PAPPA2: variants seen among roughly 807,000 people sequenced by gnomAD.
PAPPA2 encodes pappalysin-2.
In PAPPA2, 86 loss-of-function variants were observed where a neutral mutation model predicts 176.4. The observed-to-expected ratio is 0.49, with a 90% CI of 0.41 to 0.58. The LOEUF (loss-of-function observed/expected upper bound fraction) is 0.58, where lower values mean the gene tolerates loss of function less well. Ranked by LOEUF, PAPPA2 falls within the 20% of genes least tolerant of loss-of-function variation. The pLI is 0.00. For missense variants in PAPPA2, 2,073 were observed against 2,256.9 expected (o/e 0.92, Z 1.65); for synonymous variants, 809 against 852.2 (o/e 0.95, Z 0.88).
chr1:176,617,932 A>T (rs956076706), intron 3 of PAPPA2, among the ~76,000 whole-genome samples: 2 of 152,122 alleles, frequency 1.3e-5, no homozygotes, highest in African/African-American at 4.8e-5. Flanking sequence ...AGGACATCTT[A>T]TTGGTTGAAA....
chr1:176,695,631 A>G, intron 6 of PAPPA2, 107 bp from the exon 7 acceptor site: 1 of 1,302,042 alleles, frequency 7.7e-7, no homozygotes, highest in South Asian at 1.4e-5. Context: ...GGTCCTTACT[A>G]ACCATCAACC....
At chr1:176,732,072 C>G (rs1223406839) in intron 12 of PAPPA2, among the ~76,000 whole-genome samples, 1 of 152,082 alleles carries the variant, frequency 6.6e-6, no homozygotes, top group Non-Finnish European at 1.5e-5. Context: ...ACTTCAACCA[C>G]CCAGGAAACT....
chr1:176,562,897 C>T (rs968883253), intron 2 of PAPPA2, among the ~76,000 whole-genome samples: 9 of 152,138 alleles, frequency 5.9e-5, no homozygotes, highest in African/African-American at 2.2e-4. Context: ...GACCCTTTTT[C>T]TCGAAGCCTG....
At chr1:176,618,904 T>C (rs560937786) in intron 3 of PAPPA2, among the ~76,000 whole-genome samples, 1 of 152,192 alleles carries the variant, frequency 6.6e-6, no homozygotes, top group Non-Finnish European at 1.5e-5. Flanking sequence ...TTATACTAGA[T>C]AAATCATTTG....
intron 2 of PAPPA2, among the ~76,000 whole-genome samples, chr1:176,568,816 A>G (rs1311158047): frequency 1.3e-5 from 2 of 152,182 alleles, no homozygotes; most frequent in African/African-American, 4.8e-5. Context: ...GGTCACAATA[A>G]TTCTGACTGT....
At chr1:176,584,438 T>TTGTA (rs1653178728) in intron 2 of PAPPA2, among the ~76,000 whole-genome samples, 1 of 152,160 alleles carries the variant, frequency 6.6e-6, no homozygotes, top group Admixed American at 6.5e-5. Flanking sequence ...ATCTGTTTTA[T>TTGTA]TGTATGTAAG....
chr1:176,703,834 T>G (rs1660764069), intron 9 of PAPPA2, among the ~76,000 whole-genome samples: 1 of 152,244 alleles, frequency 6.6e-6, no homozygotes, highest in South Asian at 2.1e-4. Flanking sequence ...CCTTGCTACC[T>G]AACTCAGCCT....
At chr1:176,623,712 T>TTCTTTCTTTCTTTCTTTCTTTC (rs1655807354) in intron 3 of PAPPA2, among the ~76,000 whole-genome samples, 1 of 42,114 alleles carries the variant, frequency 2.4e-5, no homozygotes, top group South Asian at 1.1e-3. Context: ...CTTTCTTTTC[T>TTCTTTCTTTCTTTCTTTCTTTC]TCTTTCTTTC....
At chr1:176,767,395 A>C (rs1664024814) in intron 15 of PAPPA2, among the ~76,000 whole-genome samples, 1 of 152,152 alleles carries the variant, frequency 6.6e-6, no homozygotes, top group Non-Finnish European at 1.5e-5. Flanking sequence ...GCTGGAGTGC[A>C]ATGGCACGAT....
chr1:176,663,028 C>T (rs1658439845), intron 3 of PAPPA2, among the ~76,000 whole-genome samples: 1 of 152,056 alleles, frequency 6.6e-6, no homozygotes, highest in Non-Finnish European at 1.5e-5. Flanking sequence ...ATTGAAGGTG[C>T]TGTTGCTATT....
intron 2 of PAPPA2, among the ~76,000 whole-genome samples, chr1:176,564,841 C>CTCAATTATCTCAA (rs1265982593): frequency 1.3e-5 from 2 of 149,780 alleles, no homozygotes; most frequent in East Asian, 2.0e-4. Flanking sequence ...AACCTATTAT[C>CTCAATTATCTCAA]TCAATTATCT....
intron 3 of PAPPA2, among the ~76,000 whole-genome samples, chr1:176,661,594 A>G (rs1271484312): frequency 6.6e-6 from 1 of 150,890 alleles, no homozygotes; most frequent in Non-Finnish European, 1.5e-5. Context: ...GAAGACCCAC[A>G]TTGCTCATGG....
rs377529211 is a variant in PAPPA2, at chr1:176,595,410, C to A, written c.1806C>A (p.His602Gln). Residue 602 changes from histidine (H) to glutamine (Q), a missense_variant, in exon 3 of 23, where the codon CAC becomes CAA. By Grantham distance (24) the His-to-Gln change is conservative. This residue lies in a region of PAPPA2 where 1,196 missense variants were observed against 1,330.4 expected (regional missense o/e 0.90). Coordinates refer to ENST00000367662, the MANE Select transcript of PAPPA2 (RefSeq NM_020318.3). ...ACCATTGTGACCCCGAGTGTGAGCACCCACTCACAGGCTATGATGGGGGTG... is the reference window on the plus strand; with the variant it reads ...ACCATTGTGACCCCGAGTGTGAGCAACCACTCACAGGCTATGATGGGGGTG... ...GNDHCDPECEHPLTGYDGGDC... is the reference protein window; with the variant it reads ...GNDHCDPECEQPLTGYDGGDC... The A allele has an allele frequency of 6.2e-7, 1 of 1,614,216 alleles. No homozygotes were observed. The highest frequency in any genetic ancestry group is 2.2e-5 in the East Asian group (1 of 44,874).
chr1:176,609,652 G>A (rs879401468), intron 3 of PAPPA2, among the ~76,000 whole-genome samples: 3 of 152,188 alleles, frequency 2.0e-5, no homozygotes, highest in Non-Finnish European at 4.4e-5. Context: ...AGTAGTTGGA[G>A]AAGACAGGAG....
intron 1 of PAPPA2, among the ~76,000 whole-genome samples, chr1:176,474,842 T>C (rs1652041717): frequency 6.6e-6 from 1 of 152,198 alleles, no homozygotes; most frequent in African/African-American, 2.4e-5. Flanking sequence ...GTCATGGCTC[T>C]AGAAATACCT....
intron 3 of PAPPA2, among the ~76,000 whole-genome samples, chr1:176,649,690 T>C (rs1358124949): frequency 6.6e-6 from 1 of 151,646 alleles, no homozygotes; most frequent in African/African-American, 2.4e-5. Flanking sequence ...TTGTTTAATT[T>C]CCGTGTGTTT....
At position 176,682,148 on chromosome 1, in the gene PAPPA2, C is replaced by T. The variant is rs545249032; in HGVS notation, c.2138-7989C>T. Among the ~76,000 whole-genome samples, 32 of 152,308 alleles carry T rather than the reference C, an allele frequency of 2.1e-4. No individual in the cohort carries two copies. The Middle Eastern group carries it at 0.014, about 65-fold the overall frequency. On this transcript the variant is annotated intron_variant, in intron 4 of 22. Coordinates refer to ENST00000367662, the MANE Select transcript of PAPPA2 (RefSeq NM_020318.3). ...ATTCATGTGAATGAAGCCTCAGGTG[C>T]TAAGAACTATCCACTGATATAGTAA...
In PAPPA2 at chr1:176,671,020, C is replaced by T; in HGVS notation, c.2042C>T (p.Thr681Ile). Residue 681 changes from threonine (T) to isoleucine (I), a missense_variant, in exon 4 of 23, where the codon ACT (threonine) becomes ATT (isoleucine). This residue lies in a region of PAPPA2 where 1,196 missense variants were observed against 1,330.4 expected (regional missense o/e 0.90). Coordinates refer to ENST00000367662, the MANE Select transcript of PAPPA2 (RefSeq NM_020318.3). ...AAGGAGGCCCTGCAGCTGAACAGTA[C>T]TCACTTCCTCAACATCTACTTTGCC... ...ELKEALQLNSTHFLNIYFASS... is the reference protein window; with the variant it reads ...ELKEALQLNSIHFLNIYFASS... 1 of 1,613,970 alleles carries T rather than the reference C, an allele frequency of 6.2e-7. No individual in the cohort carries two copies. The highest frequency in any genetic ancestry group is 8.5e-7 in the Non-Finnish European group (1 of 1,179,916).
intron 1 of PAPPA2, among the ~76,000 whole-genome samples, chr1:176,541,472 A>G (rs1650359194): frequency 6.6e-6 from 1 of 152,210 alleles, no homozygotes; most frequent in African/African-American, 2.4e-5. Flanking sequence ...TACCACTGGC[A>G]TCCTTGCTAA....
Sources: gnomAD v4.1 joint callset for allele counts (sites outside exome capture counted in the v4.1 genomes callset) on GRCh38, gnomAD v4.1.1 for gene constraint, gnomAD v4.1.1 regional missense constraint, MANE v1.5 for transcripts, NCBI Gene and HGNC (gene_info 2026-07-23, HGNC 2026-07-21) for gene names.